GCLC: variants seen among roughly 807,000 people sequenced by gnomAD.
GCLC encodes glutamate-cysteine ligase catalytic subunit, also known as glutamate--cysteine ligase catalytic subunit.
In GCLC, 30 loss-of-function variants were observed where a neutral mutation model predicts 81.5. The observed-to-expected ratio is 0.37, with a 90% CI of 0.28 to 0.50. GCLC has a LOEUF of 0.50. Among genes scored for constraint, GCLC ranks in the 20% least tolerant of loss-of-function variants. GCLC has a pLI of 0.96. For synonymous variants in GCLC, 262 were observed against 273.3 expected (o/e 0.96, Z 0.41); for missense variants, 556 against 777.4 (o/e 0.72, Z 3.39).
intron 1 of GCLC, among the ~76,000 whole-genome samples, chr6:53,538,868 T>C (rs1182617158): frequency 6.6e-6 from 1 of 152,222 alleles, no homozygotes; most frequent in Non-Finnish European, 1.5e-5. Flanking sequence ...AATGTTGTTT[T>C]CTGACCCTCT....
At chr6:53,499,950 C>T (rs1764474166) in intron 15 of GCLC, 95 bp downstream of exon 15, 3 of 884,304 alleles carry the variant, frequency 3.4e-6, no homozygotes, top group Non-Finnish European at 5.6e-6. Flanking sequence ...TGCATGAATA[C>T]AGCATTATTT....
At chr6:53,536,476 G>GT (rs1432830110) in intron 1 of GCLC, among the ~76,000 whole-genome samples, 1 of 152,174 alleles carries the variant, frequency 6.6e-6, no homozygotes, top group Non-Finnish European at 1.5e-5. Context: ...CTGTTAAAAT[G>GT]TTTTTTTAAA....
chr6:53,505,679 T>A, intron 11 of GCLC, 124 bp downstream of exon 11: 1 of 762,676 alleles, frequency 1.3e-6, no homozygotes, highest in Non-Finnish European at 2.4e-6. Context: ...ACTGACTTGC[T>A]ACCATGCACA....
chr6:53,515,273 G>A (rs1205000123), intron 4 of GCLC, among the ~76,000 whole-genome samples: 4 of 152,170 alleles, frequency 2.6e-5, no homozygotes, highest in Non-Finnish European at 2.9e-5. Flanking sequence ...CACCTCTTCC[G>A]TGAAGCCTGC....
chr6:53,510,286 G>A (rs773712950), intron 6 of GCLC: 2 of 152,260 alleles, frequency 1.3e-5, no homozygotes, highest in South Asian at 2.1e-4. Flanking sequence ...AGAAAAACCC[G>A]AGTTGTAGAA....
chr6:53,514,540 T>G (rs1253782063), intron 4 of GCLC, 43 bp from the exon 5 acceptor site: 1 of 1,389,096 alleles, frequency 7.2e-7, no homozygotes, highest in South Asian at 1.2e-5. Flanking sequence ...CACCTAAGAG[T>G]CATCGTGTAA....
chr6:53,519,333 T>G (rs1302971688), intron 3 of GCLC, among the ~76,000 whole-genome samples: 1 of 151,920 alleles, frequency 6.6e-6, no homozygotes, highest in African/African-American at 2.4e-5. Flanking sequence ...ATCCTAGGAC[T>G]TCTACACACA....
At position 53,531,129 on chromosome 6, in the gene GCLC, T is replaced by C. The variant is rs76775827; in HGVS notation, c.151-8602A>G. On this transcript the variant is annotated intron_variant, in intron 1 of 15. Coordinates refer to ENST00000650454, the MANE Select transcript of GCLC (RefSeq NM_001498.4). ...AGTGCTAAAACAGTATTAAGTACAC[T>C]GTACCACTCAGGGGTTAGTGGTTAC... 3.4e-3 allele frequency among the ~76,000 whole-genome samples: 515 copies of C among 152,326 alleles called. 3 individuals are homozygous for C. Among genetic ancestry groups the C allele is most frequent in the Middle Eastern group, 0.024 (7 of 294 alleles).
Position 53,544,670 on chromosome 6 carries a change from C to CTCT in GCLC, c.-26_-25insAGA. 2 of 1,578,066 alleles carry CTCT rather than the reference C, an allele frequency of 1.3e-6. No individual in the cohort carries two copies. Among genetic ancestry groups the CTCT allele is most frequent in the South Asian group, 2.2e-5 (2 of 89,098 alleles). On this transcript the variant is annotated 5_prime_UTR_variant, in exon 1 of 16. Coordinates refer to ENST00000650454, the MANE Select transcript of GCLC (RefSeq NM_001498.4). ...TGGCCGCCCCCTCCTCCTCCTCCTC[C>CTCT]TCCTCCGGGCTGACGGCGGTCGCCC...
At chr6:53,500,385 C>T in intron 13 of GCLC, 35 bp from the exon 14 acceptor site, 1 of 1,607,394 alleles carries the variant, frequency 6.2e-7, no homozygotes, top group Non-Finnish European at 8.5e-7. Flanking sequence ...GCTTTAGCAG[C>T]TTGTTGCAGC....
chr6:53,526,819 A>T (rs1458636023), intron 1 of GCLC, among the ~76,000 whole-genome samples: 3 of 144,556 alleles, frequency 2.1e-5, no homozygotes, highest in Admixed American at 2.1e-4. Flanking sequence ...AAAAAAAAAC[A>T]ATTTGAGGAA....
intron 3 of GCLC, among the ~76,000 whole-genome samples, chr6:53,519,844 CA>C (rs1220314977): frequency 4.0e-5 from 6 of 151,778 alleles, no homozygotes; most frequent in Non-Finnish European, 8.8e-5. Context: ...AATAAGTTTT[CA>C]ACTATTTAGA....
chr6:53,513,762 T>G (rs1024934270), intron 6 of GCLC: 5 of 178,500 alleles, frequency 2.8e-5, no homozygotes, highest in Admixed American at 2.2e-4. Flanking sequence ...ATTCTTTTTG[T>G]ACCGCTAGAC....
chr6:53,532,970 C>T (rs934447658), intron 1 of GCLC, among the ~76,000 whole-genome samples: 1 of 152,198 alleles, frequency 6.6e-6, no homozygotes, highest in African/African-American at 2.4e-5. Flanking sequence ...TAGAAACTCG[C>T]TCAGAACATA....
In GCLC at chr6:53,507,518, G is replaced by C; in HGVS notation, c.1046C>G (p.Thr349Arg). The change falls in exon 9 of 16, where the codon ACG becomes AGG. Residue 349 changes from threonine to arginine, a missense_variant. Physicochemically the swap from Thr to Arg is moderately conservative, Grantham distance 71 (BLOSUM62 -1). Coordinates refer to ENST00000650454, the MANE Select transcript of GCLC (RefSeq NM_001498.4). ...CGEKYNDIDL[T>R]IDKEIYEQLL... is the part of the protein sequence containing the mutation. ...CTGTTCGTAGATCTCTTTATCTATC[G>C]TCAAGTCGATGTCATTATATTTCTC... 6.2e-7 allele frequency: 1 copy of C among 1,609,300 alleles called. No individual in the cohort carries two copies. The highest frequency in any genetic ancestry group is 8.5e-7 in the Non-Finnish European group (1 of 1,175,894).
chr6:53,544,785 G>A lies in GCLC; in HGVS notation c.-140C>T, dbSNP rs937402329. 1.4e-5 allele frequency: 11 copies of A among 805,482 alleles called. No homozygotes were observed. The highest frequency in any genetic ancestry group is 1.8e-5 in the Non-Finnish European group (10 of 542,264). The allele number at this position is 805,482 out of a possible 1,614,324, so 49.9% of individuals were successfully genotyped here. A position where few individuals can be genotyped will look rare whatever the true frequency, so the allele number is the denominator to read the frequency against. Reference sequence around the variant, plus strand: ...GCGCTCTCGGGCCGCAGTCGGCGGAGGGAGGGTCCTGCCCGCTCCGGCTCC... The same window carrying A: ...GCGCTCTCGGGCCGCAGTCGGCGGAAGGAGGGTCCTGCCCGCTCCGGCTCC... On this transcript the variant is annotated 5_prime_UTR_variant, in exon 1 of 16. Coordinates refer to ENST00000650454, the MANE Select transcript of GCLC (RefSeq NM_001498.4).
chr6:53,526,630 C>T (rs1763086153), intron 1 of GCLC, among the ~76,000 whole-genome samples: 1 of 151,896 alleles, frequency 6.6e-6, no homozygotes, highest in South Asian at 2.1e-4. Flanking sequence ...AGCCCCATCT[C>T]TACTAAAAAT....
In GCLC at chr6:53,505,830, T is replaced by C. The variant is rs770982777; in HGVS notation, c.1263A>G (p.Gly421=). ...FKPPPPNSDI[G]WRVEFRPMEV... ...CCATGGGTCGAAATTCTACTCTCCA[T>C]CCAATGTCTGAGTTTGGAGGAGGGG... is the stretch of plus-strand genomic sequence containing the variant. Residue 421 remains glycine, a synonymous_variant, in exon 11 of 16, where the codon GGA becomes GGG. Coordinates refer to ENST00000650454, the MANE Select transcript of GCLC (RefSeq NM_001498.4). 3 of 1,608,774 alleles carry C rather than the reference T, an allele frequency of 1.9e-6. No homozygotes were observed. The highest frequency in any genetic ancestry group is 2.6e-6 in the Non-Finnish European group (3 of 1,175,238).
chr6:53,541,005 A>G (rs1366325371), intron 1 of GCLC, among the ~76,000 whole-genome samples: 4 of 152,196 alleles, frequency 2.6e-5, no homozygotes, highest in African/African-American at 9.6e-5. Flanking sequence ...ACCTGAGGTC[A>G]GGAGTTCGAG....
Sources: gnomAD v4.1 joint callset for allele counts (sites outside exome capture counted in the v4.1 genomes callset) on GRCh38, gnomAD v4.1.1 for gene constraint, MANE v1.5 for transcripts, NCBI Gene and HGNC (gene_info 2026-07-23, HGNC 2026-07-21) for gene names.